The following OR13A1 variants were observed in gnomAD, a reference collection of about 807,000 sequenced individuals.
The protein encoded by OR13A1 is olfactory receptor 13A1.
A neutral mutation model predicts 7.5 loss-of-function variants in OR13A1; 10 were observed. That is an observed-to-expected ratio of 1.34 (90% CI 0.83 to 2.27). The LOEUF is 2.27. OR13A1 is among the 30% of genes most tolerant of loss of function. OR13A1 has a pLI of 0.00. For synonymous variants in OR13A1, 238 were observed against 177.9 expected (o/e 1.34, Z -2.69); for missense variants, 509 against 419.1 (o/e 1.21, Z -1.87).
At position 45,303,462 on chromosome 10, in the gene OR13A1, T is replaced by C. The variant is rs1191934182; in HGVS notation, c.961A>G (p.Lys321Glu). The change falls in exon 4 of 4, where the codon AAG becomes GAG. Residue 321 changes from lysine (K) to glutamate (E), a missense_variant. Physicochemically the swap from Lys to Glu is moderately conservative, Grantham distance 56. Coordinates refer to ENST00000553795, the MANE Select transcript of OR13A1 (RefSeq NM_001004297.3). ...TAATTTCTGAAGAAAGGGAAAAGCTTCCTGAGGGCTGCTTTGACCTCCTTG... is the reference window on the plus strand; with the variant it reads ...TAATTTCTGAAGAAAGGGAAAAGCTCCCTGAGGGCTGCTTTGACCTCCTTG... ...RNKEVKAALR[K>E]LFPFFRN 1.3e-6 allele frequency: 2 copies of C among 1,598,034 alleles called. No homozygotes were observed. Among genetic ancestry groups the C allele is most frequent in the Non-Finnish European group, 1.7e-6 (2 of 1,170,826 alleles).
At chr10:45,304,807 A>C (rs978934236) in intron 3 of OR13A1, among the ~76,000 whole-genome samples, 1 of 152,226 alleles carries the variant, frequency 6.6e-6, no homozygotes, top group Admixed American at 6.5e-5. Flanking sequence ...ATGTATCCTA[A>C]GGAATAATAA....
In OR13A1 at chr10:45,304,091, G is replaced by A; in HGVS notation, c.332C>T (p.Ser111Phe). The A allele has an allele frequency of 6.2e-7, 1 of 1,614,146 alleles. No individual in the cohort carries two copies. The highest frequency in any genetic ancestry group is 8.5e-7 in the Non-Finnish European group (1 of 1,179,990). The change falls in exon 4 of 4, where the codon TCC becomes TTC. Residue 111 changes from serine (S) to phenylalanine (F), a missense_variant. Transcript: ENST00000553795. Reference protein sequence around the residue: ...ASLVSEESSISYGGCMAQLYF... With the variant: ...ASLVSEESSIFYGGCMAQLYF... The stretch of plus-strand genomic sequence containing the variant: ...GAGCTGGGCCATGCAGCCCCCGTAG[G>A]AGATGGAGCTCTCTTCCGACACCAG...
At chr10:45,305,170 G>T (rs1838302261) in intron 3 of OR13A1, among the ~76,000 whole-genome samples, 1 of 152,024 alleles carries the variant, frequency 6.6e-6, no homozygotes, top group Non-Finnish European at 1.5e-5. Flanking sequence ...GGGAGGCAAG[G>T]TTTCGGTGAG....
rs765133906 is a variant in OR13A1, at chr10:45,303,577, A to G, written c.846T>C (p.Ser282=). The G allele has an allele frequency of 9.3e-6, 15 of 1,614,164 alleles. No individual in the cohort carries two copies. The highest frequency in any genetic ancestry group is 8.5e-6 in the Non-Finnish European group (10 of 1,180,038). The stretch of plus-strand genomic sequence containing the variant: ...ACTTGCTCTTCCCTGCGCTGTAGCC[A>G]GAGACCGGGCTTATGTAGGCGTAGA... ...AVFYAYISPV[S]GYSAGKSKLA... Residue 282 remains serine, a synonymous_variant, in exon 4 of 4, where the codon TCT becomes TCC. Coordinates refer to ENST00000553795, the MANE Select transcript of OR13A1 (RefSeq NM_001004297.3).
downstream of OR13A1, chr10:45,302,509 A>C (rs1046974442): frequency 1.3e-5 from 2 of 152,222 alleles, no homozygotes; most frequent in African/African-American, 4.8e-5. Context: ...CATCTAAATC[A>C]AATATCAAAC....
At chr10:45,315,359 A>G (rs1838504143) in intron 1 of OR13A1, among the ~76,000 whole-genome samples, 165 bp downstream of exon 1, 1 of 152,184 alleles carries the variant, frequency 6.6e-6, no homozygotes, top group African/African-American at 2.4e-5. Context: ...GTAATACACT[A>G]TAGTAATAGA....
chr10:45,303,641 G>A lies in OR13A1; in HGVS notation c.782C>T (p.Ser261Phe), dbSNP rs1218496344. Residue 261 changes from serine (S) to phenylalanine (F), a missense_variant, in exon 4 of 4, where the codon TCC becomes TTC. Physicochemically the swap from Ser to Phe is radical, Grantham distance 155 (BLOSUM62 -2). Transcript: ENST00000553795. ...GRQKAFSTCS[S>F]HLTVVCMYYT... ...ATACATGCACACCACGGTGAGGTGG[G>A]AAGAGCAGGTGGAGAAGGCTTTCTG... The A allele has an allele frequency of 1.2e-6, 2 of 1,614,074 alleles. No homozygotes were observed. The highest frequency in any genetic ancestry group is 2.2e-5 in the East Asian group (1 of 44,888).
At chr10:45,307,982 A>G (rs1838368718) in intron 1 of OR13A1, 174 bp from the exon 2 acceptor site, 2 of 152,212 alleles carry the variant, frequency 1.3e-5, no homozygotes, top group South Asian at 4.1e-4. Flanking sequence ...CTTTGTTCCA[A>G]TTTATTGTTC....
chr10:45,312,357 G>A (rs1427672110), intron 1 of OR13A1, among the ~76,000 whole-genome samples: 1 of 151,776 alleles, frequency 6.6e-6, no homozygotes, highest in East Asian at 1.9e-4. Context: ...AGAGTAAAAA[G>A]GCACATTAAG....
At chr10:45,313,475 CA>C (rs1272621750) in intron 1 of OR13A1, among the ~76,000 whole-genome samples, 1 of 151,810 alleles carries the variant, frequency 6.6e-6, no homozygotes, top group Non-Finnish European at 1.5e-5. Flanking sequence ...ACTCCTGAAT[CA>C]AAAGATATAG....
rs777241683 is a variant in OR13A1, at chr10:45,303,345, A to T, written c.*91T>A. On this transcript the variant is annotated 3_prime_UTR_variant, in exon 4 of 4. Coordinates refer to ENST00000553795, the MANE Select transcript of OR13A1 (RefSeq NM_001004297.3). ...CACAGGTTCTGCTGGGTTAGAAAAA[A>T]CAAGTCTATTTACCTCCCAGTCCAG... 2.0e-4 allele frequency: 276 copies of T among 1,351,436 alleles called. No homozygotes were observed. The highest frequency in any genetic ancestry group is 2.6e-4 in the Non-Finnish European group (259 of 985,930). The allele number at this position is 1,351,436 out of a possible 1,614,324, so 83.7% of individuals were successfully genotyped here.
At chr10:45,306,114 G>T (rs1034267106) in intron 3 of OR13A1, among the ~76,000 whole-genome samples, 1 of 152,204 alleles carries the variant, frequency 6.6e-6, no homozygotes, top group African/African-American at 2.4e-5. Context: ...GATAAAATCA[G>T]CATAGTGCAC....
At position 45,304,151 on chromosome 10, in the gene OR13A1, C is replaced by A. The variant is rs1341902752; in HGVS notation, c.272G>T (p.Cys91Phe). ...CGCCTTGGGCATGATGGAAGAGGTG[C>A]AGATAATGTCCATAGTAGCCAAGTT... Reference protein sequence around the residue: ...LLNLATMDIICTSSIMPKALA... With the variant: ...LLNLATMDIIFTSSIMPKALA... Residue 91 changes from cysteine (C) to phenylalanine (F), a missense_variant, in exon 4 of 4, where the codon TGC becomes TTC. Cys to Phe is a radical substitution (Grantham distance 205, BLOSUM62 -2). Coordinates refer to ENST00000553795, the MANE Select transcript of OR13A1 (RefSeq NM_001004297.3). 3.7e-6 allele frequency: 6 copies of A among 1,614,072 alleles called. No individual in the cohort carries two copies. In the Admixed American group the frequency reaches 5.0e-5, roughly 13 times the overall value.
chr10:45,310,075 C>A (rs1838412272), intron 1 of OR13A1, among the ~76,000 whole-genome samples: 1 of 152,126 alleles, frequency 6.6e-6, no homozygotes, highest in African/African-American at 2.4e-5. Flanking sequence ...AAAATTCTGC[C>A]TTGGCAGTAT....
At chr10:45,310,808 G>A (rs1453226252) in intron 1 of OR13A1, among the ~76,000 whole-genome samples, 1 of 152,038 alleles carries the variant, frequency 6.6e-6, no homozygotes, top group Non-Finnish European at 1.5e-5. Context: ...GAAAAGAAGA[G>A]GGTGAAAGAG....
rs74128440 is a variant in OR13A1, at chr10:45,304,889, C to T, written c.-12-455G>A. The stretch of plus-strand genomic sequence containing the variant: ...ATTTAAAACAATCTATACCCTTAAA[C>T]GTGAGTATATTATGGTAAATTGATA... On this transcript the variant is annotated intron_variant, in intron 3 of 3. Transcript: ENST00000553795. Among the ~76,000 whole-genome samples, 776 of 152,170 alleles carry T rather than the reference C, an allele frequency of 5.1e-3. 6 individuals are homozygous for T. The highest frequency in any genetic ancestry group is 0.018 in the African/African-American group (739 of 41,506).
rs902229647 is a variant in OR13A1 at position 45,302,883 on chromosome 10, T to G, written c.*553A>C. On this transcript the variant is annotated 3_prime_UTR_variant, in exon 4 of 4. Coordinates refer to ENST00000553795, the MANE Select transcript of OR13A1 (RefSeq NM_001004297.3). ...AAAGACAAAAGCAGAAACAACAGTT[T>G]GCATTAAAATCAAACTATTTTTGAA... 5 of 152,432 alleles carry G rather than the reference T, an allele frequency of 3.3e-5. No homozygotes were observed. Among genetic ancestry groups the G allele is most frequent in the African/African-American group, 1.2e-4 (5 of 41,454 alleles). The allele number at this position is 152,432 out of a possible 1,614,324, so 9.4% of individuals were successfully genotyped here.
chr10:45,310,979 G>A (rs10900197), intron 1 of OR13A1, among the ~76,000 whole-genome samples: 28,368 of 152,104 alleles, frequency 0.19, 4,032 homozygotes, highest in African/African-American at 0.39. Flanking sequence ...GGAGAAAAAT[G>A]CTTTGTAGAG....
intron 1 of OR13A1, among the ~76,000 whole-genome samples, chr10:45,308,114 C>T (rs1201861438): frequency 3.3e-5 from 5 of 152,058 alleles, no homozygotes; most frequent in Non-Finnish European, 7.4e-5. Flanking sequence ...ATCTAATGTC[C>T]TTTTATTGTA....
Sources: allele counts gnomAD v4.1 joint callset (sites outside exome capture counted in the v4.1 genomes callset), GRCh38; gene constraint gnomAD v4.1.1; transcripts MANE v1.5; gene names NCBI Gene and HGNC (gene_info 2026-07-23, HGNC 2026-07-21).